Variants in KCNH1 observed in about 807,000 individuals in gnomAD.
KCNH1 encodes the protein potassium voltage-gated channel subfamily H member 1.
In KCNH1, 27 loss-of-function variants were observed where a neutral mutation model predicts 69.2. The ratio of observed to expected loss-of-function variants is 0.39; its 90% confidence interval spans 0.29 to 0.54. KCNH1 has a LOEUF of 0.54. Among genes scored for constraint, KCNH1 ranks in the 20% least tolerant of loss-of-function variants. The pLI is 0.68. For missense variants in KCNH1, 798 were observed against 1,261.6 expected (o/e 0.63, Z 5.57); for synonymous variants, 456 against 487.7 (o/e 0.93, Z 0.86).
chr1:210,927,759 T>C (rs1398190669), intron 6 of KCNH1, among the ~76,000 whole-genome samples: 1 of 151,920 alleles, frequency 6.6e-6, no homozygotes, highest in Admixed American at 6.6e-5. Context: ...TTAAAATATA[T>C]AGAATGGCAG....
intron 10 of KCNH1, among the ~76,000 whole-genome samples, chr1:210,733,946 G>GTC (rs746434038): frequency 5.0e-5 from 2 of 40,028 alleles, no homozygotes; most frequent in Non-Finnish European, 8.9e-5. Flanking sequence ...ATGTCTGTCT[G>GTC]TCTCACACAC....
In KCNH1 at chr1:211,103,578, A is replaced by G. The variant is rs1691300584; in HGVS notation, c.228T>C (p.Asp76=). 6.2e-7 allele frequency: 1 copy of G among 1,612,754 alleles called. No homozygotes were observed. Among genetic ancestry groups the G allele is most frequent in the South Asian group, 1.1e-5 (1 of 90,774 alleles). Residue 76 remains aspartate, a synonymous_variant, in exon 3 of 11, where the codon GAT becomes GAC. Coordinates refer to ENST00000271751, the MANE Select transcript of KCNH1 (RefSeq NM_172362.3). ...TCSFMYGELT[D]KDTIEKVRQT... ...GCCGCACTTTTTCAATCGTGTCTTT[A>G]TCAGTCAGCTCCCCATACATAAAAC... is the stretch of plus-strand genomic sequence containing the variant.
chr1:210,727,855 T>C (rs528281715), intron 10 of KCNH1, among the ~76,000 whole-genome samples: 5 of 152,342 alleles, frequency 3.3e-5, no homozygotes, highest in South Asian at 2.1e-4. Flanking sequence ...GCACATCTCC[T>C]GTCTCTGCAT....
intron 6 of KCNH1, among the ~76,000 whole-genome samples, chr1:210,972,926 CAA>C (rs34391382): frequency 4.5e-5 from 6 of 134,194 alleles, no homozygotes; most frequent in South Asian, 2.4e-4. Flanking sequence ...CCAAACGTCT[CAA>C]AAAAAAAAAA....
At chr1:210,809,525 A>G (rs929264234) in intron 7 of KCNH1, among the ~76,000 whole-genome samples, 1 of 152,148 alleles carries the variant, frequency 6.6e-6, no homozygotes, top group African/African-American at 2.4e-5. Flanking sequence ...AAAAAGAGAA[A>G]CATGCATGTG....
intron 10 of KCNH1, among the ~76,000 whole-genome samples, chr1:210,717,485 C>T (rs1682289253): frequency 6.6e-6 from 1 of 152,144 alleles, no homozygotes; most frequent in Non-Finnish European, 1.5e-5. Context: ...TTCCCTGGGC[C>T]TCATGTCACT....
At chr1:211,000,141 T>C (rs1245220617) in intron 6 of KCNH1, among the ~76,000 whole-genome samples, 2 of 152,160 alleles carry the variant, frequency 1.3e-5, no homozygotes, top group African/African-American at 2.4e-5. Flanking sequence ...CTATTCAACA[T>C]AGTGTTGGAA....
At chr1:210,826,436 A>C (rs1685033671) in intron 7 of KCNH1, among the ~76,000 whole-genome samples, 1 of 152,252 alleles carries the variant, frequency 6.6e-6, no homozygotes, top group Middle Eastern at 3.2e-3. Context: ...TGAAAATAAG[A>C]AATATGGAAC....
intron 6 of KCNH1, among the ~76,000 whole-genome samples, chr1:210,922,286 G>T (rs898524602): frequency 1.3e-5 from 2 of 150,912 alleles, no homozygotes; most frequent in African/African-American, 4.9e-5. Context: ...GGAGGCTGAA[G>T]CAGGAGAATG....
At chr1:210,707,007 G>T (rs968871444) in intron 10 of KCNH1, among the ~76,000 whole-genome samples, 1 of 152,198 alleles carries the variant, frequency 6.6e-6, no homozygotes, top group African/African-American at 2.4e-5. Context: ...CTACTGTGTG[G>T]GAATTCACAG....
intron 5 of KCNH1, among the ~76,000 whole-genome samples, chr1:211,033,142 C>T (rs1291027367): frequency 6.6e-6 from 1 of 152,124 alleles, no homozygotes; most frequent in African/African-American, 2.4e-5. Flanking sequence ...ATTTATGCAG[C>T]CAAAAGACAC....
In KCNH1 at chr1:210,871,207, CA is replaced by C. The variant is rs1274166889; in HGVS notation, c.1462+48432del. ...AATGAATGCAAACAAATTTACAAGA[CA>C]AAAACAAACAACCCCATCAAAAAGT... is the stretch of plus-strand genomic sequence containing the variant. On this transcript the variant is annotated intron_variant, in intron 7 of 10. Transcript: ENST00000271751. Among the ~76,000 whole-genome samples, 440 of 152,096 alleles carry C rather than the reference CA, an allele frequency of 2.9e-3. 2 individuals carry two copies. Among genetic ancestry groups the C allele is most frequent in the African/African-American group, 0.01 (416 of 41,474 alleles).
At chr1:210,848,004 G>A (rs1685598873) in intron 7 of KCNH1, among the ~76,000 whole-genome samples, 1 of 152,100 alleles carries the variant, frequency 6.6e-6, no homozygotes, top group Non-Finnish European at 1.5e-5. Context: ...GATAACTGCT[G>A]AGAAATCTCA....
chr1:211,004,011 T>C (rs982786136), intron 6 of KCNH1, among the ~76,000 whole-genome samples: 3 of 152,062 alleles, frequency 2.0e-5, no homozygotes, highest in African/African-American at 7.2e-5. Flanking sequence ...GAGAATGGCG[T>C]GAACCCCGGG....
chr1:210,703,174 G>T (rs1681825134), intron 10 of KCNH1, among the ~76,000 whole-genome samples: 1 of 152,140 alleles, frequency 6.6e-6, no homozygotes, highest in Admixed American at 6.5e-5. Flanking sequence ...CACAACATGT[G>T]CAAGTTAAAA....
intron 1 of KCNH1, among the ~76,000 whole-genome samples, chr1:211,109,824 A>G (rs955023262): frequency 2.6e-5 from 4 of 152,134 alleles, no homozygotes; most frequent in African/African-American, 9.7e-5. Flanking sequence ...ACTTTAAAAA[A>G]AAAATCTAAT....
intron 6 of KCNH1, among the ~76,000 whole-genome samples, chr1:210,996,584 C>T (rs945788747): frequency 1.3e-5 from 2 of 152,248 alleles, no homozygotes; most frequent in African/African-American, 4.8e-5. Flanking sequence ...AAAAAGACAG[C>T]AGTAACCTCT....
intron 10 of KCNH1, among the ~76,000 whole-genome samples, chr1:210,757,134 G>A (rs967419589): frequency 2.2e-4 from 33 of 152,006 alleles, no homozygotes; most frequent in Admixed American, 7.9e-4. Flanking sequence ...TTGTAGCCCT[G>A]GGGGAGGCTG....
intron 10 of KCNH1, among the ~76,000 whole-genome samples, chr1:210,740,731 T>TTTTTTTTTTTTTTTTTTTTTTTG (rs1558449289): frequency 8.4e-6 from 1 of 119,570 alleles, no homozygotes; most frequent in African/African-American, 3.5e-5. Context: ...TTTTTTTTTT[T>TTTTTTTTTTTTTTTTTTTTTTTG]TACTAAAAGA....
Sources: allele counts gnomAD v4.1 joint callset (sites outside exome capture counted in the v4.1 genomes callset), GRCh38; gene constraint gnomAD v4.1.1; transcripts MANE v1.5; gene names NCBI Gene and HGNC (gene_info 2026-07-23, HGNC 2026-07-21).